The following LBH variants were observed in gnomAD, a reference collection of about 807,000 sequenced individuals.
The protein encoded by LBH is protein LBH.
A neutral mutation model predicts 12.5 loss-of-function variants in LBH; 7 were observed. That is an observed-to-expected ratio of 0.56 (90% CI 0.32 to 1.05). LBH has a LOEUF of 1.05. LBH is among the 50% of genes least tolerant of loss of function. LBH has a pLI of 0.04. For synonymous variants in LBH, 51 were observed against 50.1 expected (o/e 1.02, Z -0.08); for missense variants, 119 against 138.9 (o/e 0.86, Z 0.72).
At chr2:30,231,891 C>A in intron 1 of LBH, 127 bp downstream of exon 1, 2 of 781,594 alleles carry the variant, frequency 2.6e-6, no homozygotes, top group Non-Finnish European at 3.6e-6. Flanking sequence ...TAACCCGCCG[C>A]CCGAGCCCGT....
chr2:30,233,948 A>T, intron 1 of LBH, among the ~76,000 whole-genome samples: 1 of 151,916 alleles, frequency 6.6e-6, no homozygotes. Flanking sequence ...TGTTATTGTT[A>T]TTGTGTATTA....
chr2:30,247,680 G>A (rs1468229625), intron 2 of LBH, among the ~76,000 whole-genome samples: 1 of 152,218 alleles, frequency 6.6e-6, no homozygotes, highest in African/African-American at 2.4e-5. Context: ...CAGCAGAAAT[G>A]TTGTAGGCTA....
chr2:30,231,819 C>T, intron 1 of LBH, 55 bp downstream of exon 1: 2 of 1,501,338 alleles, frequency 1.3e-6, no homozygotes, highest in Non-Finnish European at 1.8e-6. Context: ...GCTGCGGGCC[C>T]GGGCGCCTGC....
intron 2 of LBH, among the ~76,000 whole-genome samples, chr2:30,251,699 TAAG>T (rs151293230): frequency 0.25 from 36,522 of 146,212 alleles, 4,875 homozygotes; most frequent in African/African-American, 0.31. Context: ...TAATAAAAAA[TAAG>T]AAAGGTGGCT....
At position 30,231,653 on chromosome 2, in the gene LBH, C is replaced by T. The variant is rs1677586386; in HGVS notation, c.-86C>T. ...TGTCCGCACTCGGCCGCCTGCCGTG[C>T]CCGTCTGCGCCCGTGTCATCCTCAC... On this transcript the variant is annotated 5_prime_UTR_variant, in exon 1 of 3. Transcript: ENST00000395323. The T allele has an allele frequency of 7.3e-7, 1 of 1,372,762 alleles. No individual in the cohort carries two copies. The highest frequency in any genetic ancestry group is 1.2e-5 in the South Asian group (1 of 83,462). 85.0% of individuals were successfully genotyped at this position (1,372,762 alleles called of 1,614,324 possible). A position where few individuals can be genotyped will look rare whatever the true frequency, so the allele number is the denominator to read the frequency against.
chr2:30,241,212 T>C (rs1677782864), intron 2 of LBH, among the ~76,000 whole-genome samples: 1 of 152,192 alleles, frequency 6.6e-6, no homozygotes, highest in African/African-American at 2.4e-5. Flanking sequence ...ACGTAGGCAG[T>C]GGTGCCAGCG....
chr2:30,243,566 T>A (rs1248243704), intron 2 of LBH, among the ~76,000 whole-genome samples: 1 of 145,518 alleles, frequency 6.9e-6, no homozygotes, highest in Non-Finnish European at 1.5e-5. Context: ...AATCTTGCTC[T>A]GTCACCTGGG....
chr2:30,239,705 G>C (rs953401965), intron 2 of LBH, among the ~76,000 whole-genome samples: 1 of 152,270 alleles, frequency 6.6e-6, no homozygotes, highest in African/African-American at 2.4e-5. Flanking sequence ...ATGGGATGTA[G>C]AACAGGCAGT....
At chr2:30,239,845 C>T (rs1677757200) in intron 2 of LBH, among the ~76,000 whole-genome samples, 1 of 152,170 alleles carries the variant, frequency 6.6e-6, no homozygotes, top group South Asian at 2.1e-4. Flanking sequence ...GTATGAGGAT[C>T]CAGCACCTTC....
intron 2 of LBH, among the ~76,000 whole-genome samples, chr2:30,244,282 G>C (rs1677839358): frequency 6.6e-6 from 1 of 152,128 alleles, no homozygotes; most frequent in South Asian, 2.1e-4. Context: ...CTTCCTGACT[G>C]TTTTCATTGG....
At chr2:30,232,814 G>A (rs1558384422) in intron 1 of LBH, 1 of 152,324 alleles carries the variant, frequency 6.6e-6, no homozygotes, top group Non-Finnish European at 1.5e-5. Context: ...TTCTTTGGAG[G>A]TCGCCAGCAG....
chr2:30,246,159 A>AG (rs1677866462), intron 2 of LBH, among the ~76,000 whole-genome samples: 1 of 148,550 alleles, frequency 6.7e-6, no homozygotes, highest in African/African-American at 2.6e-5. Flanking sequence ...AGGTTTTGCC[A>AG]TGTTGGCCAG....
At chr2:30,234,970 C>T (rs973528330) in intron 2 of LBH, among the ~76,000 whole-genome samples, 1 of 152,170 alleles carries the variant, frequency 6.6e-6, no homozygotes, top group Non-Finnish European at 1.5e-5. Flanking sequence ...TCCAATGCTG[C>T]TTTCTTCCTT....
chr2:30,257,312 C>A, intron 2 of LBH, 121 bp from the exon 3 acceptor site: 2 of 1,097,714 alleles, frequency 1.8e-6, no homozygotes, highest in Non-Finnish European at 2.7e-6. Flanking sequence ...CTCCCGAGTG[C>A]AAAGCACAGT....
At chr2:30,250,634 A>T (rs1277357750) in intron 2 of LBH, among the ~76,000 whole-genome samples, 1 of 151,888 alleles carries the variant, frequency 6.6e-6, no homozygotes, top group Non-Finnish European at 1.5e-5. Context: ...GCATGGAGGC[A>T]GACAGTTGAT....
chr2:30,250,730 G>A (rs1042686176), intron 2 of LBH, among the ~76,000 whole-genome samples: 4 of 151,868 alleles, frequency 2.6e-5, no homozygotes, highest in African/African-American at 4.8e-5. Context: ...CTGGCTCACC[G>A]GCAACTTTTA....
Position 30,246,875 on chromosome 2 carries a change from G to A in LBH, c.130-10558G>A, listed in dbSNP as rs761101288. On this transcript the variant is annotated intron_variant, in intron 2 of 2. Coordinates refer to ENST00000395323, the MANE Select transcript of LBH (RefSeq NM_030915.4). ...TTTGCTCTGTCACCCAGGCTAGAGT[G>A]CAGTGGCATGGTCATAGCTCACTGC... is the stretch of plus-strand genomic sequence containing the variant. Among the ~76,000 whole-genome samples the A allele has an allele frequency of 2.2e-5, 3 of 136,846 alleles. No individual in the cohort carries two copies. In the South Asian group the frequency reaches 8.0e-4, roughly 36 times the overall value. 89.8% of individuals were successfully genotyped at this position (136,846 alleles called of 152,430 possible).
rs144822809 is a variant in LBH, at chr2:30,234,459, C to A, written c.81C>A (p.Pro27=). The A allele has an allele frequency of 1.2e-6, 2 of 1,614,134 alleles. No homozygotes were observed. Among genetic ancestry groups the A allele is most frequent in the African/African-American group, 2.7e-5 (2 of 75,044 alleles). The change falls in exon 2 of 3, where the codon CCC becomes CCA. Residue 27 remains proline, a synonymous_variant. Transcript: ENST00000395323. ...CTGAGGTGATGATGAACACCCAGCC[C>A]ATGGAGGAGATCGGCCTCAGCCCCC... ...KMTEVMMNTQ[P]MEEIGLSPRK...
intron 2 of LBH, chr2:30,256,533 T>G (rs552764979): frequency 2.3e-4 from 35 of 152,324 alleles, no homozygotes; most frequent in African/African-American, 6.7e-4. Context: ...TTTTTTTATT[T>G]TCAAGATGGA....
Sources: gnomAD v4.1 joint callset for allele counts (sites outside exome capture counted in the v4.1 genomes callset) on GRCh38, gnomAD v4.1.1 for gene constraint, MANE v1.5 for transcripts, NCBI Gene and HGNC (gene_info 2026-07-23, HGNC 2026-07-21) for gene names.